KCNQ3: variants seen among roughly 807,000 people sequenced by gnomAD.
KCNQ3 encodes the protein potassium voltage-gated channel subfamily Q member 3.
A neutral mutation model predicts 92.5 loss-of-function variants in KCNQ3; 30 were observed. That is an observed-to-expected ratio of 0.32 (90% CI 0.24 to 0.44). The LOEUF (loss-of-function observed/expected upper bound fraction) is 0.44, where lower values mean the gene tolerates loss of function less well. Ranked by LOEUF, KCNQ3 falls within the 20% of genes least tolerant of loss-of-function variation. The pLI is 1.00. For synonymous variants in KCNQ3, 450 were observed against 468.8 expected (o/e 0.96, Z 0.52); for missense variants, 913 against 1,140.3 (o/e 0.80, Z 2.87).
chr8:132,144,703 G>A (rs549018634), intron 9 of KCNQ3, among the ~76,000 whole-genome samples: 21 of 152,282 alleles, frequency 1.4e-4, no homozygotes, highest in Non-Finnish European at 2.9e-4. Flanking sequence ...GTTCAACTCC[G>A]TGTAGTTTCT....
At chr8:132,217,722 A>C (rs1050554593) in intron 1 of KCNQ3, among the ~76,000 whole-genome samples, 1 of 151,378 alleles carries the variant, frequency 6.6e-6, no homozygotes, top group African/African-American at 2.4e-5. Flanking sequence ...AAAAAAAAAA[A>C]AAAAAAAACA....
chr8:132,279,512 C>T (rs986338279), intron 1 of KCNQ3, among the ~76,000 whole-genome samples: 6 of 152,096 alleles, frequency 3.9e-5, no homozygotes, highest in Admixed American at 6.6e-5. Flanking sequence ...GACAAGATTT[C>T]GAATGTTTTT....
chr8:132,205,156 T>A (rs1394253155), intron 1 of KCNQ3, among the ~76,000 whole-genome samples: 2 of 152,216 alleles, frequency 1.3e-5, no homozygotes, highest in Non-Finnish European at 1.5e-5. Context: ...GAGAGCTGGA[T>A]GGGGTTGTGT....
At chr8:132,378,675 C>T (rs990035667) in intron 1 of KCNQ3, among the ~76,000 whole-genome samples, 5 of 152,108 alleles carry the variant, frequency 3.3e-5, no homozygotes, top group African/African-American at 1.2e-4. Flanking sequence ...AAATGAGGTC[C>T]CTTCTGTTCC....
intron 4 of KCNQ3, among the ~76,000 whole-genome samples, chr8:132,179,491 T>C (rs569667852): frequency 6.6e-6 from 1 of 152,128 alleles, no homozygotes; most frequent in Admixed American, 6.5e-5. Flanking sequence ...TGTAATGGAG[T>C]GGCAATAGTG....
chr8:132,248,334 G>GTATATATATATATATA (rs5895135), intron 1 of KCNQ3, among the ~76,000 whole-genome samples: 12 of 144,142 alleles, frequency 8.3e-5, no homozygotes, highest in African/African-American at 2.5e-4. Context: ...TAGTCTATAA[G>GTATATATATATATATA]TATATATATA....
chr8:132,170,467 C>T (rs1200978534), intron 7 of KCNQ3, 39 bp from the exon 8 acceptor site: 2 of 1,363,984 alleles, frequency 1.5e-6, no homozygotes, highest in Non-Finnish European at 2.1e-6. Context: ...GAGTGGGCAC[C>T]ACCTGAAACT....
At chr8:132,443,993 T>C (rs887356143) in intron 1 of KCNQ3, among the ~76,000 whole-genome samples, 6 of 152,178 alleles carry the variant, frequency 3.9e-5, no homozygotes, top group Admixed American at 2.6e-4. Flanking sequence ...ATTGCCCCCT[T>C]TTCTTCTTAT....
intron 1 of KCNQ3, among the ~76,000 whole-genome samples, chr8:132,387,547 G>A (rs998520193): frequency 2.0e-5 from 3 of 151,986 alleles, no homozygotes; most frequent in Admixed American, 6.6e-5. Flanking sequence ...GACTGATAGA[G>A]GAGATTTTAT....
At chr8:132,194,321 T>A (rs1371219586) in intron 1 of KCNQ3, among the ~76,000 whole-genome samples, 1 of 152,212 alleles carries the variant, frequency 6.6e-6, no homozygotes, top group Non-Finnish European at 1.5e-5. Context: ...GTGACAGACC[T>A]CAAACTGCGT....
Position 132,153,646 on chromosome 8 carries a change from G to T in KCNQ3, c.1262+9822C>A, listed in dbSNP as rs566604743. On this transcript the variant is annotated intron_variant, in intron 9 of 14. Transcript: ENST00000388996. ...CTCTTATATCACACTAGTATTCATG[G>T]CATAAATGAGGTCTAGGTAATTCAA... 1.8e-4 allele frequency among the ~76,000 whole-genome samples: 28 copies of T among 152,050 alleles called. 1 individual carries two copies. The highest frequency in any genetic ancestry group is 1.1e-3 in the Admixed American group (17 of 15,274).
At chr8:132,408,749 G>A (rs1364898156) in intron 1 of KCNQ3, among the ~76,000 whole-genome samples, 1 of 152,218 alleles carries the variant, frequency 6.6e-6, no homozygotes, top group Non-Finnish European at 1.5e-5. Context: ...ATGTTGCCAT[G>A]TAACCACAAG....
At chr8:132,299,965 ATCTT>A (rs1817163067) in intron 1 of KCNQ3, among the ~76,000 whole-genome samples, 1 of 152,204 alleles carries the variant, frequency 6.6e-6, no homozygotes, top group African/African-American at 2.4e-5. Context: ...CTCCCTGGAC[ATCTT>A]TCTATTTCAG....
intron 1 of KCNQ3, among the ~76,000 whole-genome samples, chr8:132,466,737 G>A (rs571943701): frequency 6.6e-6 from 1 of 152,088 alleles, no homozygotes; most frequent in African/African-American, 2.4e-5. Context: ...GGCAAAATTC[G>A]TTCTGGGAGG....
At chr8:132,213,749 C>T (rs895601667) in intron 1 of KCNQ3, among the ~76,000 whole-genome samples, 3 of 152,204 alleles carry the variant, frequency 2.0e-5, no homozygotes, top group Admixed American at 6.5e-5. Flanking sequence ...AAAACCATCG[C>T]AGTCACAGTA....
intron 1 of KCNQ3, among the ~76,000 whole-genome samples, chr8:132,469,703 A>G (rs2130865214): frequency 6.6e-6 from 1 of 152,288 alleles, no homozygotes; most frequent in South Asian, 2.1e-4. Context: ...AAAAAGGAGC[A>G]GGGACCCTGA....
intron 1 of KCNQ3, among the ~76,000 whole-genome samples, chr8:132,215,884 C>A (rs4736557): frequency 6.6e-6 from 1 of 151,994 alleles, no homozygotes; most frequent in Non-Finnish European, 1.5e-5. Flanking sequence ...TAGACTGTGC[C>A]TCTCTCCTTC....
intron 1 of KCNQ3, among the ~76,000 whole-genome samples, chr8:132,477,015 T>C (rs1310793514): frequency 1.3e-5 from 2 of 152,246 alleles, no homozygotes; most frequent in African/African-American, 4.8e-5. Context: ...GTTTGATAAG[T>C]GTGTGGCTCT....
At position 132,127,640 on chromosome 8, in the gene KCNQ3, G is replaced by A. The variant is rs1314870777; in HGVS notation, c.*1622C>T. ...TTAGGTCATCTGGATTATCTTGATT[G>A]TCACCATGGCAACTATCCACAACCA... On this transcript the variant is annotated 3_prime_UTR_variant, in exon 15 of 15. Coordinates refer to ENST00000388996, the MANE Select transcript of KCNQ3 (RefSeq NM_004519.4). The A allele has an allele frequency of 6.6e-6, 1 of 152,180 alleles. No homozygotes were observed. The highest frequency in any genetic ancestry group is 6.5e-5 in the Admixed American group (1 of 15,286). The allele number at this position is 152,180 out of a possible 1,614,324, so 9.4% of individuals were successfully genotyped here.
Sources: gnomAD v4.1 joint callset for allele counts (sites outside exome capture counted in the v4.1 genomes callset) on GRCh38, gnomAD v4.1.1 for gene constraint, MANE v1.5 for transcripts, NCBI Gene and HGNC (gene_info 2026-07-23, HGNC 2026-07-21) for gene names.